The following FNIP1 variants were observed in gnomAD, a reference collection of about 807,000 sequenced individuals.
FNIP1 encodes folliculin interacting protein 1.
In FNIP1, 40 loss-of-function variants were observed where a neutral mutation model predicts 124.5. The observed-to-expected ratio is 0.32, with a 90% CI of 0.25 to 0.42. FNIP1 has a LOEUF of 0.42. FNIP1 is among the 10% of genes least tolerant of loss of function. The pLI, the probability that FNIP1 is intolerant of heterozygous loss-of-function variation, is 1.00. For missense variants in FNIP1, 1,176 were observed against 1,403.7 expected, an observed-to-expected ratio of 0.84 and a Z score of 2.59; for synonymous variants, 472 against 470.6, an observed-to-expected ratio of 1.00 and a Z score of -0.04.
At chr5:131,684,837 G>A (rs1411940910) in intron 11 of FNIP1, among the ~76,000 whole-genome samples, 1 of 152,146 alleles carries the variant, frequency 6.6e-6, no homozygotes, top group Admixed American at 6.5e-5. Context: ...GCTTGTGACT[G>A]CAGAAAAGAA....
chr5:131,694,433 C>A (rs1483512608), intron 11 of FNIP1, among the ~76,000 whole-genome samples: 2 of 152,106 alleles, frequency 1.3e-5, no homozygotes, highest in Non-Finnish European at 2.9e-5. Context: ...AGCAACACCA[C>A]CACCACCACC....
At chr5:131,734,902 G>A (rs533490317) in intron 2 of FNIP1, among the ~76,000 whole-genome samples, 12 of 152,178 alleles carry the variant, frequency 7.9e-5, no homozygotes, top group Non-Finnish European at 1.8e-4. Context: ...ACAGTGTGGC[G>A]ATTTCTCAGG....
intron 1 of FNIP1, among the ~76,000 whole-genome samples, chr5:131,790,861 A>G (rs959179807): frequency 2.6e-5 from 4 of 152,254 alleles, no homozygotes; most frequent in Admixed American, 2.0e-4. Context: ...AGCTTGGCAC[A>G]TCCCAGAATC....
In FNIP1 at chr5:131,796,979, A is replaced by T. The variant is rs982212066; in HGVS notation, c.-58T>A. ...GGGCGCTTGCTAGGCCCCTGCTCCTACAGCCGCCCCGCCACCCCCATGGGC... is the reference window on the plus strand; with the variant it reads ...GGGCGCTTGCTAGGCCCCTGCTCCTTCAGCCGCCCCGCCACCCCCATGGGC... On this transcript the variant is annotated 5_prime_UTR_variant, in exon 1 of 18. An upstream open reading frame in the 5' UTR loses its in-frame stop. Transcript: ENST00000510461. 34 of 1,470,654 alleles carry T rather than the reference A, an allele frequency of 2.3e-5. No homozygotes were observed. The South Asian group carries it at 2.8e-4, about 12-fold the overall frequency. The allele number at this position is 1,470,654 out of a possible 1,614,324, so 91.1% of individuals were successfully genotyped here. A position where few individuals can be genotyped will look rare whatever the true frequency, so the allele number is the denominator to read the frequency against.
chr5:131,760,823 C>T (rs1156345369), intron 1 of FNIP1, among the ~76,000 whole-genome samples: 1 of 149,652 alleles, frequency 6.7e-6, no homozygotes, highest in African/African-American at 2.5e-5. Context: ...ACCACCACCA[C>T]CAAGCAGTGA....
chr5:131,742,328 GTGGTGCACACCT>G (rs1770538763), intron 2 of FNIP1, among the ~76,000 whole-genome samples: 5 of 152,110 alleles, frequency 3.3e-5, no homozygotes, highest in African/African-American at 7.2e-5. Flanking sequence ...CCCAGGTGTG[GTGGTGCACACCT>G]GTAATCCCAG....
chr5:131,742,701 C>T (rs34826528), intron 2 of FNIP1, among the ~76,000 whole-genome samples: 2,099 of 152,246 alleles, frequency 0.014, 21 homozygotes, highest in South Asian at 0.022. Context: ...CAGCAAACTG[C>T]TAATGCTTAA....
chr5:131,773,263 A>G (rs944608220), intron 1 of FNIP1, among the ~76,000 whole-genome samples: 1 of 152,190 alleles, frequency 6.6e-6, no homozygotes, highest in African/African-American at 2.4e-5. Context: ...ACACTGTGAG[A>G]TTATAAAAAT....
chr5:131,739,840 C>CT (rs1160238761), intron 2 of FNIP1, among the ~76,000 whole-genome samples: 1 of 144,596 alleles, frequency 6.9e-6, no homozygotes, highest in East Asian at 2.0e-4. Flanking sequence ...AAAAAAAACA[C>CT]TGTTTTAGAT....
intron 1 of FNIP1, among the ~76,000 whole-genome samples, chr5:131,774,830 T>C (rs1004325871): frequency 1.3e-5 from 2 of 152,224 alleles, no homozygotes; most frequent in African/African-American, 2.4e-5. Context: ...CAGAAGCTCT[T>C]TTCTTGAGAG....
chr5:131,651,469 T>C (rs1767036961), intron 16 of FNIP1, among the ~76,000 whole-genome samples: 1 of 152,222 alleles, frequency 6.6e-6, no homozygotes, highest in African/African-American at 2.4e-5. Context: ...GGTGCAAGCA[T>C]GGTTGGGTTC....
At chr5:131,765,184 T>C (rs1051947457) in intron 1 of FNIP1, among the ~76,000 whole-genome samples, 1 of 151,948 alleles carries the variant, frequency 6.6e-6, no homozygotes, top group Non-Finnish European at 1.5e-5. Flanking sequence ...ACAATGTTAC[T>C]GCACTCCAGC....
In FNIP1 at chr5:131,651,104, A is replaced by T. The variant is rs375160549; in HGVS notation, c.3306+698T>A. Among the ~76,000 whole-genome samples the T allele has an allele frequency of 5.9e-5, 9 of 152,116 alleles. No homozygotes were observed. The South Asian group carries it at 1.7e-3, about 28-fold the overall frequency. ...GATGGATTAAAAAAAAAAAACAGAT[A>T]TATAGCTGGGAATGGTGGCTCATGC... is the stretch of plus-strand genomic sequence containing the variant. On this transcript the variant is annotated intron_variant, in intron 16 of 17. Coordinates refer to ENST00000510461, the MANE Select transcript of FNIP1 (RefSeq NM_133372.3).
intron 1 of FNIP1, among the ~76,000 whole-genome samples, chr5:131,770,785 A>G (rs1301199757): frequency 6.6e-6 from 1 of 152,230 alleles, no homozygotes; most frequent in Non-Finnish European, 1.5e-5. Context: ...CACACACATC[A>G]AGATCTCCAA....
In FNIP1 at chr5:131,698,897, G is replaced by C. The variant is rs763542107; in HGVS notation, c.1202+20C>G. On this transcript the variant is annotated intron_variant, in intron 11 of 17. Transcript: ENST00000510461. ...GTACACTATGAATTACTGCATTATG[G>C]AAAGCTGGGCAATATGTACCTGAAT... 24 of 1,582,198 alleles carry C rather than the reference G, an allele frequency of 1.5e-5. No individual in the cohort carries two copies. The South Asian group carries it at 2.8e-4, about 18-fold the overall frequency.
At chr5:131,747,121 T>C (rs1770710615) in intron 1 of FNIP1, among the ~76,000 whole-genome samples, 1 of 152,182 alleles carries the variant, frequency 6.6e-6, no homozygotes, top group Non-Finnish European at 1.5e-5. Context: ...TTTATTGGGG[T>C]TGTTTTTTGC....
At chr5:131,690,463 G>A (rs1357122834) in intron 11 of FNIP1, among the ~76,000 whole-genome samples, 1 of 152,104 alleles carries the variant, frequency 6.6e-6, no homozygotes, top group East Asian at 1.9e-4. Context: ...TGCTGTTCTT[G>A]TGATAGTGAC....
In FNIP1 at chr5:131,672,396, CA is replaced by C. The variant is rs1172275435; in HGVS notation, c.2047del (p.Cys683AlafsTer7). On this transcript the variant is annotated frameshift_variant, in exon 14 of 18. Coordinates refer to ENST00000510461, the MANE Select transcript of FNIP1 (RefSeq NM_133372.3). LOFTEE classifies it high-confidence loss of function. ...TTTGTCTACTGGAACAGATCCTGTG[CA>C]AACAACTGTCTCTAACTTGGCGTCA... ...CFDAKLETVV[C>X]TGSVPVDKCA... The C allele has an allele frequency of 1.2e-6, 2 of 1,614,116 alleles. No individual in the cohort carries two copies. The highest frequency in any genetic ancestry group is 1.7e-6 in the Non-Finnish European group (2 of 1,180,038).
intron 15 of FNIP1, among the ~76,000 whole-genome samples, chr5:131,659,060 G>A (rs935244885): frequency 2.1e-4 from 32 of 152,240 alleles, no homozygotes; most frequent in African/African-American, 7.2e-4. Context: ...AAGCATTTGC[G>A]ATGGACGATG....
Sources: gnomAD v4.1 joint callset for allele counts (sites outside exome capture counted in the v4.1 genomes callset) on GRCh38, gnomAD v4.1.1 for gene constraint, MANE v1.5 for transcripts, NCBI Gene and HGNC (gene_info 2026-07-23, HGNC 2026-07-21) for gene names.